The following RUSC2 variants were observed in gnomAD, a reference collection of about 807,000 sequenced individuals.
The protein encoded by RUSC2 is AP-4 complex accessory subunit RUSC2.
RUSC2 carries 34 observed loss-of-function variants against 122.2 expected under a neutral mutation model. The ratio of observed to expected loss-of-function variants is 0.28; its 90% CI spans 0.21 to 0.37. The LOEUF (loss-of-function observed/expected upper bound fraction) is 0.37, where lower values mean the gene tolerates loss of function less well. RUSC2 is among the 10% of genes least tolerant of loss of function. RUSC2 has a pLI of 1.00. For missense variants in RUSC2, 1,747 were observed against 1,952.4 expected (o/e 0.89, Z 1.98); for synonymous variants, 784 against 790.0 (o/e 0.99, Z 0.13).
chr9:35,517,914 A>G lies in RUSC2; in HGVS notation c.-93+27742A>G, dbSNP rs1434160795. On this transcript the variant is annotated intron_variant, in intron 1 of 11. Coordinates refer to ENST00000361226, the MANE Select transcript of RUSC2 (RefSeq NM_014806.5). ...TCCTACCACACACCAGAAGATGGAT[A>G]CAGTTAGTCCTTTTACTAGATGGTA... is the stretch of plus-strand genomic sequence containing the variant. Among the ~76,000 whole-genome samples the G allele has an allele frequency of 3.3e-5, 5 of 152,194 alleles. 1 individual carries two copies. Among genetic ancestry groups the G allele is most frequent in the African/African-American group, 1.2e-4 (5 of 41,458 alleles).
chr9:35,498,585 G>A lies in RUSC2; in HGVS notation c.-93+8413G>A, dbSNP rs192458884. Among the ~76,000 whole-genome samples, 308 of 151,776 alleles carry A rather than the reference G, an allele frequency of 2.0e-3. 2 individuals carry two copies. The highest frequency in any genetic ancestry group is 1.5e-3 in the Non-Finnish European group (102 of 67,908). On this transcript the variant is annotated intron_variant, in intron 1 of 11. Coordinates refer to ENST00000361226, the MANE Select transcript of RUSC2 (RefSeq NM_014806.5). ...AAAAAGAAAGAAAAAGAGGCCAGGC[G>A]CGGTGGCTCACGCCTGTGATCCCAG...
At chr9:35,494,774 C>T (rs367598148) in intron 1 of RUSC2, among the ~76,000 whole-genome samples, 65 of 150,666 alleles carry the variant, frequency 4.3e-4, no homozygotes, top group African/African-American at 1.4e-3. Flanking sequence ...CTTTGATGCA[C>T]GAAAGTTTTT....
At chr9:35,492,983 T>TG (rs1203149333) in intron 1 of RUSC2, among the ~76,000 whole-genome samples, 2 of 152,122 alleles carry the variant, frequency 1.3e-5, no homozygotes, top group Non-Finnish European at 2.9e-5. Flanking sequence ...TTTTGTTTTT[T>TG]GGGTTTTTTT....
chr9:35,501,724 G>A (rs1315768212), intron 1 of RUSC2, among the ~76,000 whole-genome samples: 1 of 152,186 alleles, frequency 6.6e-6, no homozygotes, highest in African/African-American at 2.4e-5. Context: ...CGAGAGACAT[G>A]TAACCAAAAT....
Position 35,557,875 on chromosome 9 carries a change from C to G in RUSC2, c.2984-39C>G. The G allele has an allele frequency of 6.3e-7, 1 of 1,592,686 alleles. No individual in the cohort carries two copies. Among genetic ancestry groups the G allele is most frequent in the East Asian group, 2.2e-5 (1 of 44,746 alleles). ...CAGCCCCAGCTGAGTTGGTTAAGGA[C>G]TTGCTCAGGGACCTGTCACATCACA... On this transcript the variant is annotated intron_variant, in intron 5 of 11. Transcript: ENST00000361226. The surrounding 1 kb of genome is among the most constrained non-coding windows in gnomAD (Gnocchi z 4.6).
chr9:35,555,335 A>G lies in RUSC2; in HGVS notation c.2290A>G (p.Lys764Glu), dbSNP rs573689022. ...TPRATGRGAR[K>E]AGSEPETSRP... ...CCGAGCCACTGGCAGAGGTGCCAGG[A>G]AAGCTGGGTCTGAGCCAGAGACCTC... Residue 764 changes from lysine (K) to glutamate (E), a missense_variant, in exon 3 of 12, where the codon AAA (lysine) becomes GAA (glutamate). Physicochemically the swap from Lys to Glu is moderately conservative, Grantham distance 56 (BLOSUM62 1). Transcript: ENST00000361226. The surrounding 1 kb of genome is among the most constrained non-coding windows in gnomAD (Gnocchi z 4.6). The G allele has an allele frequency of 1.2e-6, 2 of 1,614,244 alleles. No homozygotes were observed. The highest frequency in any genetic ancestry group is 3.3e-5 in the Admixed American group (2 of 60,032).
chr9:35,503,957 T>C (rs1291971700), intron 1 of RUSC2, among the ~76,000 whole-genome samples: 1 of 152,100 alleles, frequency 6.6e-6, no homozygotes, highest in Non-Finnish European at 1.5e-5. Flanking sequence ...GTGTTTTTAG[T>C]AGAGACAGGG....
chr9:35,501,769 G>A (rs898465576), intron 1 of RUSC2, among the ~76,000 whole-genome samples: 3 of 152,136 alleles, frequency 2.0e-5, no homozygotes, highest in Admixed American at 2.0e-4. Flanking sequence ...AAATTCCTAT[G>A]TGAAATCCTT....
chr9:35,555,878 C>G lies in RUSC2; in HGVS notation c.2657-74C>G. 1 of 1,545,722 alleles carries G rather than the reference C, an allele frequency of 6.5e-7. No homozygotes were observed. The highest frequency in any genetic ancestry group is 1.2e-5 in the South Asian group (1 of 84,448). ...TAATCTAGTGTTTCATATGGGCCCA[C>G]TGGGTGGATGTGAAACTCTGTCTCG... On this transcript the variant is annotated intron_variant, in intron 3 of 11. Coordinates refer to ENST00000361226, the MANE Select transcript of RUSC2 (RefSeq NM_014806.5). This position sits in a 1 kb window ranked among gnomAD's most constrained non-coding sequence, Gnocchi z 4.6.
chr9:35,537,302 G>A (rs533214736), intron 1 of RUSC2, among the ~76,000 whole-genome samples: 7 of 152,252 alleles, frequency 4.6e-5, no homozygotes, highest in South Asian at 4.1e-4. Flanking sequence ...AACTCCAAAC[G>A]CTTGGTCATG....
In RUSC2 at chr9:35,555,577, T is replaced by C; in HGVS notation, c.2532T>C (p.Thr844=). The change falls in exon 3 of 12, where the codon ACT becomes ACC. Residue 844 remains threonine (T), a synonymous_variant. Transcript: ENST00000361226. This position sits in a 1 kb window ranked among gnomAD's most constrained non-coding sequence, Gnocchi z 4.6. ...AGGATCAGAAGATACTGACCTTGAC[T>C]GAGTACCGGCTCCATGGAACAGGAA... The part of the protein sequence containing the change: ...QKEDQKILTL[T]EYRLHGTGSL... 1 of 1,614,042 alleles carries C rather than the reference T, an allele frequency of 6.2e-7. No individual in the cohort carries two copies. The highest frequency in any genetic ancestry group is 1.1e-5 in the South Asian group (1 of 91,080).
At position 35,546,278 on chromosome 9, in the gene RUSC2, C is replaced by A. The variant is rs2132550342; in HGVS notation, c.-92-152C>A. Among the ~76,000 whole-genome samples, 1 of 152,312 alleles carries A rather than the reference C, an allele frequency of 6.6e-6. No homozygotes were observed. Among genetic ancestry groups the A allele is most frequent in the Admixed American group, 6.5e-5 (1 of 15,298 alleles). On this transcript the variant is annotated intron_variant, in intron 1 of 11. Coordinates refer to ENST00000361226, the MANE Select transcript of RUSC2 (RefSeq NM_014806.5). The surrounding 1 kb of genome is among the most constrained non-coding windows in gnomAD (Gnocchi z 4.3). ...TGCAGAAAGCATGGTTACGTCCCCA[C>A]CTGCCTATTGGGCTGTGTGGTCAAG...
At chr9:35,544,602 A>C (rs1470494443) in intron 1 of RUSC2, among the ~76,000 whole-genome samples, 1 of 152,088 alleles carries the variant, frequency 6.6e-6, no homozygotes, top group Non-Finnish European at 1.5e-5. Context: ...CACTGTGCCC[A>C]GCCTCGTATG....
rs368352866 is a variant in RUSC2, at chr9:35,508,932, T to C, written c.-93+18760T>C. 1.0e-3 allele frequency among the ~76,000 whole-genome samples: 159 copies of C among 152,268 alleles called. 1 individual carries two copies. The highest frequency in any genetic ancestry group is 3.5e-3 in the African/African-American group (146 of 41,542). ...GAAAGAGTCCACTCAGCACCCAGCA[T>C]AACAAATAGCACCAACATAACTTAT... On this transcript the variant is annotated intron_variant, in intron 1 of 11. Transcript: ENST00000361226.
chr9:35,512,140 C>T (rs1821021658), intron 1 of RUSC2, among the ~76,000 whole-genome samples: 1 of 151,910 alleles, frequency 6.6e-6, no homozygotes, highest in Non-Finnish European at 1.5e-5. Flanking sequence ...AAGATCGCGC[C>T]ACTGCACTCC....
chr9:35,530,046 G>A (rs1821391090), intron 1 of RUSC2, among the ~76,000 whole-genome samples: 5 of 152,102 alleles, frequency 3.3e-5, no homozygotes, highest in Admixed American at 3.3e-4. Flanking sequence ...CTGCTTCCCG[G>A]CCTCAAGCCT....
chr9:35,555,744 CA>C lies in RUSC2; in HGVS notation c.2656+45del, dbSNP rs1268765452. On this transcript the variant is annotated intron_variant, in intron 3 of 11. Transcript: ENST00000361226. The surrounding 1 kb of genome is among the most constrained non-coding windows in gnomAD (Gnocchi z 4.6). ...TCCCTACCCAACCCGCCACCTCACG[CA>C]AGCACTTCCACCACCTCCCCTTTGA... 1 of 1,552,672 alleles carries C rather than the reference CA, an allele frequency of 6.4e-7. No homozygotes were observed. Among genetic ancestry groups the C allele is most frequent in the Middle Eastern group, 2.1e-4 (1 of 4,748 alleles).
rs768988273 is a variant in RUSC2, at chr9:35,558,183, T to C, written c.3061-14T>C. 6.2e-7 allele frequency: 1 copy of C among 1,610,428 alleles called. No individual in the cohort carries two copies. The highest frequency in any genetic ancestry group is 1.3e-5 in the African/African-American group (1 of 75,012). On this transcript the variant is annotated splice_polypyrimidine_tract_variant and intron_variant, in intron 6 of 11. Coordinates refer to ENST00000361226, the MANE Select transcript of RUSC2 (RefSeq NM_014806.5). The surrounding 1 kb of genome is among the most constrained non-coding windows in gnomAD (Gnocchi z 4.3). ...CCTGAGGGGGTTTCCTGCACTTCCCTACCACACCTACAGGCAAAGCTGGGA... is the reference window on the plus strand; with the variant it reads ...CCTGAGGGGGTTTCCTGCACTTCCCCACCACACCTACAGGCAAAGCTGGGA...
intron 1 of RUSC2, 53 bp downstream of exon 1, chr9:35,490,225 G>T (rs1820537271): frequency 6.6e-6 from 1 of 152,556 alleles, no homozygotes; most frequent in African/African-American, 2.4e-5. Flanking sequence ...ACTGCCCCGC[G>T]TTCCAAGGTC....
Sources: gnomAD v4.1 joint callset for allele counts (sites outside exome capture counted in the v4.1 genomes callset) on GRCh38, gnomAD v4.1.1 for gene constraint, Gnocchi (gnomAD v3.1) non-coding constraint, MANE v1.5 for transcripts, NCBI Gene and HGNC (gene_info 2026-07-23, HGNC 2026-07-21) for gene names.